The following MCPH1 variants were observed in gnomAD, a reference collection of about 807,000 sequenced individuals.
MCPH1 encodes microcephalin 1.
In MCPH1, 104 loss-of-function variants were observed where a neutral mutation model predicts 84.5. The ratio of observed to expected loss-of-function variants is 1.23; its 90% confidence interval spans 1.05 to 1.45. The LOEUF is 1.45. Ranked by LOEUF, MCPH1 falls within the 40% of genes most tolerant of loss-of-function variation. The probability of loss-of-function intolerance (pLI) is 0.00; values close to 1 mark genes in which losing one functional copy is unlikely to be tolerated. For missense variants in MCPH1, 1,498 were observed against 1,005.7 expected (o/e 1.49, Z -6.62); for synonymous variants, 514 against 366.8 (o/e 1.40, Z -4.58).
intron 3 of MCPH1, among the ~76,000 whole-genome samples, chr8:6,418,835 C>G (rs1213790100): frequency 1.3e-5 from 2 of 152,244 alleles, no homozygotes; most frequent in African/African-American, 2.4e-5. Context: ...CTGCCTCAGC[C>G]TCCCAAAGTA....
At chr8:6,635,352 G>A (rs1400994699) in intron 13 of MCPH1, 1 of 152,168 alleles carries the variant, frequency 6.6e-6, no homozygotes, top group Non-Finnish European at 1.5e-5. Flanking sequence ...GTTAACTGAG[G>A]CCCAGAGCAG....
intron 2 of MCPH1, among the ~76,000 whole-genome samples, chr8:6,411,840 C>T (rs1427096419): frequency 6.6e-6 from 1 of 152,090 alleles, no homozygotes; most frequent in Non-Finnish European, 1.5e-5. Flanking sequence ...GGGACGCGGG[C>T]ATGTCTTAGA....
At chr8:6,609,485 A>T (rs1384399363) in intron 12 of MCPH1, among the ~76,000 whole-genome samples, 2 of 152,236 alleles carry the variant, frequency 1.3e-5, no homozygotes, top group Non-Finnish European at 2.9e-5. Context: ...ATGATGCTTT[A>T]AAAAAATCCA....
intron 12 of MCPH1, among the ~76,000 whole-genome samples, chr8:6,585,540 C>T (rs1439443146): frequency 2.0e-5 from 3 of 152,256 alleles, no homozygotes; most frequent in African/African-American, 4.8e-5. Context: ...TCCAGCCCTC[C>T]TCCCAAGGTT....
rs373759304 is a variant in MCPH1 at position 6,631,479 on chromosome 8, AC to A, written c.2452+9792del. Among the ~76,000 whole-genome samples, 632 of 146,392 alleles carry A rather than the reference AC, an allele frequency of 4.3e-3. 3 individuals carry two copies. The highest frequency in any genetic ancestry group is 0.013 in the African/African-American group (524 of 39,416). On this transcript the variant is annotated intron_variant, in intron 13 of 13. Transcript: ENST00000344683. ...CCTGCAACTCAACAACAAAAAAAAAACCCCAGTTTCAAACTGAGCAAAGAAC... is the reference window on the plus strand; with the variant it reads ...CCTGCAACTCAACAACAAAAAAAAAACCCAGTTTCAAACTGAGCAAAGAAC...
At chr8:6,622,093 C>T (rs915673259) in intron 13 of MCPH1, 1 of 336,924 alleles carries the variant, frequency 3.0e-6, no homozygotes, top group Non-Finnish European at 6.0e-6. Flanking sequence ...CCCAAGCCCC[C>T]GTCCCTGTCA....
chr8:6,446,338 C>G lies in MCPH1; in HGVS notation c.1825+791C>G, dbSNP rs2440415. ...GATTAGGTTAAAATTTGAGTGAGAACGCATTCTCTCTGCATGATTTCTCTG... is the reference window on the plus strand; with the variant it reads ...GATTAGGTTAAAATTTGAGTGAGAAGGCATTCTCTCTGCATGATTTCTCTG... On this transcript the variant is annotated intron_variant, in intron 8 of 13. Transcript: ENST00000344683. The G allele has an allele frequency of 1.0e-5, 10 of 984,854 alleles. No individual in the cohort carries two copies. In the South Asian group the frequency reaches 3.3e-4, roughly 32 times the overall value. The allele number at this position is 984,854 out of a possible 1,614,324, so 61.0% of individuals were successfully genotyped here. A position where few individuals can be genotyped will look rare whatever the true frequency, so the allele number is the denominator to read the frequency against.
At chr8:6,598,274 G>T (rs1426935109) in intron 12 of MCPH1, among the ~76,000 whole-genome samples, 1 of 152,206 alleles carries the variant, frequency 6.6e-6, no homozygotes, top group Non-Finnish European at 1.5e-5. Flanking sequence ...TGTAGAGCAA[G>T]TTTAGGATGC....
intron 12 of MCPH1, among the ~76,000 whole-genome samples, chr8:6,611,869 C>A (rs1454532992): frequency 6.6e-6 from 1 of 152,194 alleles, no homozygotes; most frequent in Non-Finnish European, 1.5e-5. Context: ...CCACCCACCT[C>A]GGCCTCCCAA....
intron 12 of MCPH1, among the ~76,000 whole-genome samples, chr8:6,520,387 T>C (rs919329969): frequency 3.9e-5 from 6 of 152,202 alleles, no homozygotes; most frequent in African/African-American, 9.7e-5. Flanking sequence ...AACACTGTTA[T>C]CTGTATCATG....
intron 13 of MCPH1, among the ~76,000 whole-genome samples, chr8:6,631,808 C>T (rs1797182980): frequency 6.6e-6 from 1 of 152,174 alleles, no homozygotes; most frequent in Non-Finnish European, 1.5e-5. Context: ...AGTAGAATTA[C>T]TGTATGATCC....
chr8:6,469,502 C>T (rs1316306546), intron 9 of MCPH1, among the ~76,000 whole-genome samples: 2 of 151,942 alleles, frequency 1.3e-5, no homozygotes, highest in African/African-American at 4.8e-5. Flanking sequence ...AAAATTTCCT[C>T]TATAGTCAAA....
intron 12 of MCPH1, chr8:6,501,553 CT>C (rs761570329): frequency 0.018 from 2,346 of 127,978 alleles, 34 homozygotes; most frequent in African/African-American, 0.06. Flanking sequence ...TCTTTTCTTT[CT>C]TTTTTTTTTT....
chr8:6,609,827 C>CG (rs1554476356), intron 12 of MCPH1, among the ~76,000 whole-genome samples: 5 of 126,280 alleles, frequency 4.0e-5, no homozygotes, highest in South Asian at 3.1e-4. Flanking sequence ...CCGCCCCCCC[C>CG]CCACACACAG....
chr8:6,601,767 ACC>A (rs1554472627), intron 12 of MCPH1, among the ~76,000 whole-genome samples: 2 of 125,850 alleles, frequency 1.6e-5, no homozygotes, highest in East Asian at 4.9e-4. Flanking sequence ...ACACACACAC[ACC>A]CAATCACGTA....
At position 6,609,828 on chromosome 8, in the gene MCPH1, C is replaced by CCCCCCCCCCCCCCCCCA. The variant is rs1475345162; in HGVS notation, c.2215-11625_2215-11624insCCCCCCCCCCCCCCCAC. ...CAAAGCAATGCCCCCCGCCCCCCCC[C>CCCCCCCCCCCCCCCCCA]CACACACAGACTGCCAGGTAAACCA... On this transcript the variant is annotated intron_variant, in intron 12 of 13. Transcript: ENST00000344683. Among the ~76,000 whole-genome samples the CCCCCCCCCCCCCCCCCA allele has an allele frequency of 6.4e-5, 7 of 108,848 alleles. 1 individual carries two copies. The highest frequency in any genetic ancestry group is 8.6e-5 in the Admixed American group (1 of 11,570). 71.4% of individuals were successfully genotyped at this position (108,848 alleles called of 152,430 possible).
chr8:6,453,853 A>G (rs562007828), intron 8 of MCPH1, among the ~76,000 whole-genome samples: 1 of 152,298 alleles, frequency 6.6e-6, no homozygotes, highest in Admixed American at 6.5e-5. Context: ...GACTGGTTTG[A>G]GTCTCGAGTG....
intron 11 of MCPH1, among the ~76,000 whole-genome samples, chr8:6,496,287 G>C (rs1478612766): frequency 6.6e-6 from 1 of 152,150 alleles, no homozygotes; most frequent in African/African-American, 2.4e-5. Flanking sequence ...AATTCTATGA[G>C]AATGTAATGC....
chr8:6,522,525 G>A (rs940201398), intron 12 of MCPH1, among the ~76,000 whole-genome samples: 8 of 152,184 alleles, frequency 5.3e-5, no homozygotes, highest in African/African-American at 1.9e-4. Flanking sequence ...TATAATCCCA[G>A]CACTTTGGAA....
Sources: gnomAD v4.1 joint callset for allele counts (sites outside exome capture counted in the v4.1 genomes callset) on GRCh38, gnomAD v4.1.1 for gene constraint, MANE v1.5 for transcripts, NCBI Gene and HGNC (gene_info 2026-07-23, HGNC 2026-07-21) for gene names.